SH3GL2: variants seen among roughly 807,000 people sequenced by gnomAD.
SH3GL2 encodes endophilin-A1.
Under a neutral mutation model 46.0 loss-of-function variants are expected in SH3GL2, and 24 were observed. That is an observed-to-expected ratio of 0.52 (90% confidence interval 0.38 to 0.73). SH3GL2 has a LOEUF of 0.73. Among genes scored for constraint, SH3GL2 ranks in the 30% least tolerant of loss-of-function variants. SH3GL2 has a pLI of 0.00. For synonymous variants in SH3GL2, 196 were observed against 147.1 expected, an observed-to-expected ratio of 1.33 and a Z score of -2.40; for missense variants, 413 against 424.2, an observed-to-expected ratio of 0.97 and a Z score of 0.23.
chr9:17,678,987 C>G (rs1237502556), intron 1 of SH3GL2, among the ~76,000 whole-genome samples: 2 of 152,098 alleles, frequency 1.3e-5, no homozygotes, highest in Non-Finnish European at 2.9e-5. Flanking sequence ...TTCCATTGGT[C>G]TATATCTCTA....
intron 6 of SH3GL2, 77 bp downstream of exon 6, chr9:17,789,627 A>G: frequency 6.3e-7 from 1 of 1,586,530 alleles, no homozygotes; most frequent in Non-Finnish European, 8.6e-7. Flanking sequence ...CATAACCCTT[A>G]AAAGCATTAA....
At chr9:17,609,274 CAG>C (rs1389035708) in intron 1 of SH3GL2, among the ~76,000 whole-genome samples, 1 of 151,798 alleles carries the variant, frequency 6.6e-6, no homozygotes, top group Non-Finnish European at 1.5e-5. Context: ...GCCAGGTAGT[CAG>C]AGTTTTTTTT....
chr9:17,641,667 A>C (rs1819686577), intron 1 of SH3GL2, among the ~76,000 whole-genome samples: 1 of 152,058 alleles, frequency 6.6e-6, no homozygotes, highest in South Asian at 2.1e-4. Context: ...TTCAACACCC[A>C]TTTATGAGTG....
intron 1 of SH3GL2, among the ~76,000 whole-genome samples, chr9:17,628,744 A>G (rs1429484586): frequency 6.6e-6 from 1 of 152,034 alleles, no homozygotes; most frequent in African/African-American, 2.4e-5. Context: ...AGAATTGTAT[A>G]TTGGGCACTA....
intron 1 of SH3GL2, among the ~76,000 whole-genome samples, chr9:17,719,212 T>G (rs1244076001): frequency 6.6e-6 from 1 of 152,158 alleles, no homozygotes; most frequent in African/African-American, 2.4e-5. Context: ...TACTACTTAG[T>G]CCTCTCTTAG....
At chr9:17,661,765 C>G (rs1588214186) in intron 1 of SH3GL2, among the ~76,000 whole-genome samples, 1 of 152,208 alleles carries the variant, frequency 6.6e-6, no homozygotes, top group East Asian at 1.9e-4. Context: ...TGAAAGGTAG[C>G]ATAGTATAGT....
At chr9:17,623,039 TCCTTC>T (rs1819188785) in intron 1 of SH3GL2, among the ~76,000 whole-genome samples, 1 of 84,222 alleles carries the variant, frequency 1.2e-5, no homozygotes, top group African/African-American at 6.8e-5. Context: ...TCCTTTCCTT[TCCTTC>T]CCCTTCCCCT....
At chr9:17,714,858 A>G (rs373847949) in intron 1 of SH3GL2, among the ~76,000 whole-genome samples, 121 of 151,692 alleles carry the variant, frequency 8.0e-4, no homozygotes, top group African/African-American at 2.8e-3. Flanking sequence ...TTCATCTGGT[A>G]TCATTTGTTT....
At chr9:17,759,175 C>G (rs58953394) in intron 2 of SH3GL2, among the ~76,000 whole-genome samples, 2 of 152,190 alleles carry the variant, frequency 1.3e-5, no homozygotes, top group Non-Finnish European at 2.9e-5. Context: ...AGGTACCAGT[C>G]TCTGTAGGGA....
At chr9:17,773,394 G>A (rs951591453) in intron 3 of SH3GL2, among the ~76,000 whole-genome samples, 1 of 152,090 alleles carries the variant, frequency 6.6e-6, no homozygotes, top group African/African-American at 2.4e-5. Flanking sequence ...CACATCCAGT[G>A]TCATGAAGCT....
intron 1 of SH3GL2, among the ~76,000 whole-genome samples, chr9:17,600,691 A>G (rs964555800): frequency 2.0e-5 from 3 of 152,214 alleles, no homozygotes; most frequent in East Asian, 1.9e-4. Context: ...AACTGGTTCA[A>G]TGTATATGTT....
At chr9:17,784,351 C>T (rs888761342) in intron 3 of SH3GL2, among the ~76,000 whole-genome samples, 1 of 152,078 alleles carries the variant, frequency 6.6e-6, no homozygotes, top group Non-Finnish European at 1.5e-5. Flanking sequence ...AAGCACTTAC[C>T]ACATCCAGCT....
rs57019804 is a variant in SH3GL2, at chr9:17,758,561, CAAAAAAAAAA to C, written c.115-2851_115-2842del. 6.5e-4 allele frequency among the ~76,000 whole-genome samples: 19 copies of C among 29,224 alleles called. 1 individual carries two copies. The highest frequency in any genetic ancestry group is 2.9e-3 in the South Asian group (1 of 348). 19.2% of individuals were successfully genotyped at this position (29,224 alleles called of 152,430 possible). A position where few individuals can be genotyped will look rare whatever the true frequency, so the allele number is the denominator to read the frequency against. ...TGGGGGAGAGAGTAAGACCCTGTCT[CAAAAAAAAAA>C]AAAAAAAAAAAAAAAAAAAAAAAAT... On this transcript the variant is annotated intron_variant, in intron 2 of 8. Coordinates refer to ENST00000380607, the MANE Select transcript of SH3GL2 (RefSeq NM_003026.5).
intron 1 of SH3GL2, among the ~76,000 whole-genome samples, chr9:17,584,516 A>C (rs1166691285): frequency 2.0e-5 from 3 of 152,158 alleles, no homozygotes; most frequent in African/African-American, 7.2e-5. Flanking sequence ...TAAATAAATA[A>C]ATAAATTCAT....
intron 1 of SH3GL2, among the ~76,000 whole-genome samples, chr9:17,723,786 C>T (rs746725021): frequency 6.6e-6 from 1 of 151,976 alleles, no homozygotes; most frequent in Non-Finnish European, 1.5e-5. Flanking sequence ...AAGGTACATG[C>T]CTTTCCTGAT....
At chr9:17,787,286 G>A (rs1823987440) in intron 4 of SH3GL2, 94 bp from the exon 5 acceptor site, 2 of 966,672 alleles carry the variant, frequency 2.1e-6, no homozygotes, top group Middle Eastern at 2.2e-4. Flanking sequence ...AAGACAAGTG[G>A]TAATCCTTTG....
chr9:17,709,530 G>A (rs1295374322), intron 1 of SH3GL2, among the ~76,000 whole-genome samples: 1 of 151,866 alleles, frequency 6.6e-6, no homozygotes, highest in Non-Finnish European at 1.5e-5. Context: ...TTCCTCCGAT[G>A]TGCCTAGTAG....
chr9:17,707,451 G>A (rs1028878824), intron 1 of SH3GL2, among the ~76,000 whole-genome samples: 1 of 151,972 alleles, frequency 6.6e-6, no homozygotes, highest in African/African-American at 2.4e-5. Context: ...AAAGGACAAT[G>A]GAGACAGAAC....
At chr9:17,682,036 A>G (rs894177235) in intron 1 of SH3GL2, among the ~76,000 whole-genome samples, 2 of 152,176 alleles carry the variant, frequency 1.3e-5, no homozygotes, top group Non-Finnish European at 2.9e-5. Flanking sequence ...GCCAGTCAGA[A>G]TGGCGATTAT....
Sources: gnomAD v4.1 joint callset for allele counts (sites outside exome capture counted in the v4.1 genomes callset) on GRCh38, gnomAD v4.1.1 for gene constraint, MANE v1.5 for transcripts, NCBI Gene and HGNC (gene_info 2026-07-23, HGNC 2026-07-21) for gene names.